Variants in XPO4 observed in about 807,000 individuals in gnomAD.
XPO4 encodes the protein exportin 4, also known as exportin-4.
In XPO4, 39 loss-of-function variants were observed where a neutral mutation model predicts 143.0. That is an observed-to-expected ratio of 0.27 (90% CI 0.21 to 0.36). The LOEUF is 0.36. XPO4 is among the 10% of genes least tolerant of loss of function. The pLI, the probability that XPO4 is intolerant of heterozygous loss-of-function variation, is 1.00. For synonymous variants in XPO4, 439 were observed against 474.0 expected (o/e 0.93, Z 0.96); for missense variants, 907 against 1,348.0 (o/e 0.67, Z 5.12).
At chr13:20,832,109 T>G (rs1261601325) in intron 6 of XPO4, among the ~76,000 whole-genome samples, 1 of 152,120 alleles carries the variant, frequency 6.6e-6, no homozygotes, top group African/African-American at 2.4e-5. Flanking sequence ...TATATAAACA[T>G]GCCACCTGCC....
chr13:20,793,104 A>G (rs1366792029), intron 18 of XPO4, among the ~76,000 whole-genome samples: 1 of 152,170 alleles, frequency 6.6e-6, no homozygotes, highest in Non-Finnish European at 1.5e-5. Flanking sequence ...TATGCTTTTA[A>G]TATCTCACCT....
chr13:20,876,093 C>CAAAAAAAAA (rs11301411), intron 1 of XPO4, among the ~76,000 whole-genome samples: 17 of 90,732 alleles, frequency 1.9e-4, no homozygotes, highest in Non-Finnish European at 2.8e-4. Flanking sequence ...CTACTAAATA[C>CAAAAAAAAA]AAAAAAAAAA....
At chr13:20,852,993 T>C in intron 4 of XPO4, 1 of 985,386 alleles carries the variant, frequency 1.0e-6, no homozygotes, top group Non-Finnish European at 1.2e-6. Flanking sequence ...TGATCAGAAA[T>C]GGAGACTATA....
At chr13:20,788,049 G>GTT (rs1276190178) in intron 20 of XPO4, among the ~76,000 whole-genome samples, 9 of 130,900 alleles carry the variant, frequency 6.9e-5, no homozygotes, top group African/African-American at 2.9e-4. Flanking sequence ...ACAGTTTTTT[G>GTT]TTTTTTTGTT....
intron 1 of XPO4, among the ~76,000 whole-genome samples, chr13:20,882,103 C>A (rs1208148606): frequency 1.0e-5 from 1 of 95,880 alleles, no homozygotes; most frequent in Non-Finnish European, 2.0e-5. Flanking sequence ...GAGTAAGACT[C>A]GGTCTCAAAA....
chr13:20,872,788 T>C (rs912546800), intron 1 of XPO4, among the ~76,000 whole-genome samples: 1 of 146,638 alleles, frequency 6.8e-6, no homozygotes, highest in African/African-American at 2.4e-5. Context: ...TAACAGAAAC[T>C]ACACTTACAT....
intron 20 of XPO4, among the ~76,000 whole-genome samples, chr13:20,788,066 T>G (rs1021728942): frequency 1.4e-4 from 21 of 151,536 alleles, no homozygotes; most frequent in South Asian, 4.2e-4. Flanking sequence ...TGTTTTTTTT[T>G]TTTTTTGAGA....
Position 20,783,485 on chromosome 13 carries a change from C to T in XPO4, c.*237G>A, listed in dbSNP as rs1008011242. 21 of 530,786 alleles carry T rather than the reference C, an allele frequency of 4.0e-5. No homozygotes were observed. The highest frequency in any genetic ancestry group is 6.7e-5 in the Non-Finnish European group (20 of 299,524). 32.9% of individuals were successfully genotyped at this position (530,786 alleles called of 1,614,324 possible). ...GAATTTCATTTTGAAAATTTTAAAT[C>T]ACCATTCAGAATCTAAAAGACATAT... is the stretch of plus-strand genomic sequence containing the variant. On this transcript the variant is annotated 3_prime_UTR_variant, in exon 23 of 23. Transcript: ENST00000255305.
intron 16 of XPO4, 22 bp from the exon 17 acceptor site, chr13:20,797,079 T>C: frequency 6.5e-7 from 1 of 1,547,856 alleles, no homozygotes; most frequent in Non-Finnish European, 8.7e-7. Context: ...AACCAGGAAT[T>C]TTCTTAAAGC....
chr13:20,833,357 G>A (rs1037924128), intron 6 of XPO4, among the ~76,000 whole-genome samples: 11 of 152,172 alleles, frequency 7.2e-5, no homozygotes, highest in Admixed American at 3.3e-4. Flanking sequence ...CTGGTTCCAG[G>A]ACCTCCCATG....
At chr13:20,806,592 C>T (rs1453278752) in intron 13 of XPO4, among the ~76,000 whole-genome samples, 5 of 118,438 alleles carry the variant, frequency 4.2e-5, no homozygotes, top group African/African-American at 6.7e-5. Context: ...CTTGCTCTGT[C>T]GCCAGGCTGG....
At chr13:20,799,095 C>A (rs770630489) in intron 16 of XPO4, 70 bp downstream of exon 16, 42 of 1,369,840 alleles carry the variant, frequency 3.1e-5, no homozygotes, top group South Asian at 1.3e-4. Context: ...GAGACTCTTA[C>A]GGCAACGCAT....
At chr13:20,861,729 C>G (rs1323893206) in intron 3 of XPO4, among the ~76,000 whole-genome samples, 1 of 150,154 alleles carries the variant, frequency 6.7e-6, no homozygotes, top group Non-Finnish European at 1.5e-5. Flanking sequence ...TCAATGGAAG[C>G]TACTTAAAGA....
intron 4 of XPO4, among the ~76,000 whole-genome samples, chr13:20,844,804 G>C (rs2060013666): frequency 6.6e-6 from 1 of 152,178 alleles, no homozygotes; most frequent in South Asian, 2.1e-4. Flanking sequence ...GAAGGTGAGA[G>C]GTGACTGATG....
chr13:20,832,482 C>A (rs902858708), intron 6 of XPO4, among the ~76,000 whole-genome samples: 2 of 152,128 alleles, frequency 1.3e-5, no homozygotes, highest in Admixed American at 6.6e-5. Flanking sequence ...TTTGCCTATT[C>A]TTATAATTAC....
chr13:20,809,922 A>G lies in XPO4; in HGVS notation c.1219T>C (p.Leu407=), dbSNP rs771051858. 6.2e-7 allele frequency: 1 copy of G among 1,613,756 alleles called. No individual in the cohort carries two copies. The highest frequency in any genetic ancestry group is 8.5e-7 in the Non-Finnish European group (1 of 1,179,826). Residue 407 remains leucine, a synonymous_variant, in exon 10 of 23, where the codon TTG becomes CTG. Transcript: ENST00000255305. ...MVYMEAYDKL[L]ESWLTLVQDD... ...TGAACCAAAGTTAACCAGGACTCCA[A>G]CAATTTATCATATGCTTCCATGTAT...
At chr13:20,837,418 G>A (rs1423115501) in intron 6 of XPO4, among the ~76,000 whole-genome samples, 1 of 151,200 alleles carries the variant, frequency 6.6e-6, no homozygotes, top group Non-Finnish European at 1.5e-5. Flanking sequence ...TTCTTTTTTA[G>A]AGACAGAGTC....
At chr13:20,838,470 C>T (rs550195777) in intron 6 of XPO4, among the ~76,000 whole-genome samples, 3 of 151,896 alleles carry the variant, frequency 2.0e-5, no homozygotes, top group East Asian at 2.0e-4. Context: ...ATTAGCCAGG[C>T]GTGGTGGCGG....
At chr13:20,806,340 G>A (rs2059502329) in intron 13 of XPO4, among the ~76,000 whole-genome samples, 1 of 151,928 alleles carries the variant, frequency 6.6e-6, no homozygotes, top group Non-Finnish European at 1.5e-5. Context: ...ATTTTCTATT[G>A]CATGTTTAAA....
Sources: gnomAD v4.1 joint callset for allele counts (sites outside exome capture counted in the v4.1 genomes callset) on GRCh38, gnomAD v4.1.1 for gene constraint, MANE v1.5 for transcripts, NCBI Gene and HGNC (gene_info 2026-07-23, HGNC 2026-07-21) for gene names.